CACNA1D: variants seen among roughly 807,000 people sequenced by gnomAD.
CACNA1D encodes the protein calcium voltage-gated channel subunit alpha1 D, also known as voltage-dependent L-type calcium channel subunit alpha-1D.
In CACNA1D, 55 loss-of-function variants were observed where a neutral mutation model predicts 257.1. That is an observed-to-expected ratio of 0.21 (90% CI 0.17 to 0.27). The LOEUF is 0.27. Among genes scored for constraint, CACNA1D ranks in the 10% least tolerant of loss-of-function variants. The pLI is 1.00. For synonymous variants in CACNA1D, 980 were observed against 1,014.9 expected (o/e 0.97, Z 0.65); for missense variants, 1,876 against 2,784.0 (o/e 0.67, Z 7.34).
chr3:53,775,104 C>T (rs1036539300), intron 34 of CACNA1D, among the ~76,000 whole-genome samples: 5 of 152,150 alleles, frequency 3.3e-5, no homozygotes, highest in South Asian at 2.1e-4. Flanking sequence ...TTGCTTTTAA[C>T]GTCAGTTAAT....
intron 3 of CACNA1D, among the ~76,000 whole-genome samples, chr3:53,604,231 A>T (rs1267024429): frequency 6.6e-6 from 1 of 152,134 alleles, no homozygotes; most frequent in South Asian, 2.1e-4. Flanking sequence ...TTGCAAAGGG[A>T]GTTGGAAGTA....
intron 10 of CACNA1D, chr3:53,718,805 TG>T: frequency 7.4e-7 from 1 of 1,351,726 alleles, no homozygotes; most frequent in Non-Finnish European, 1.0e-6. Context: ...AGAGCTTCTG[TG>T]GCAGAGTTGC....
intron 9 of CACNA1D, 128 bp downstream of exon 9, chr3:53,702,938 T>C: frequency 1.1e-6 from 1 of 949,856 alleles, no homozygotes. Context: ...ATCTGGTCCC[T>C]TCTGCCTGCA....
chr3:53,585,077 AT>A (rs1482495991), intron 3 of CACNA1D, among the ~76,000 whole-genome samples: 1 of 148,322 alleles, frequency 6.7e-6, no homozygotes, highest in Non-Finnish European at 1.5e-5. Flanking sequence ...CAGTTGCCTA[AT>A]TCATTTTTAA....
intron 3 of CACNA1D, among the ~76,000 whole-genome samples, chr3:53,511,314 A>G (rs1470042452): frequency 6.6e-6 from 1 of 152,144 alleles, no homozygotes; most frequent in East Asian, 1.9e-4. Context: ...GATTGCTGAC[A>G]CCTGGACATG....
chr3:53,803,599 G>A (rs777965486), intron 44 of CACNA1D, 27 bp downstream of exon 44: 2 of 1,611,320 alleles, frequency 1.2e-6, no homozygotes, highest in Non-Finnish European at 1.7e-6. Context: ...CCTGTGGAGA[G>A]CGGGAGGCCG....
Position 53,808,739 on chromosome 3 carries a change from C to G in CACNA1D, c.5840C>G (p.Thr1947Arg), listed in dbSNP as rs752102016. ...TCGTCTCCCATCTTCCCCCATCGCACGGCCCTGCCTCTGCATCTAATGCAG... is the reference window on the plus strand; with the variant it reads ...TCGTCTCCCATCTTCCCCCATCGCAGGGCCCTGCCTCTGCATCTAATGCAG... ...VPSSPIFPHRTALPLHLMQQQ... is the reference protein window; with the variant it reads ...VPSSPIFPHRRALPLHLMQQQ... Residue 1947 changes from threonine to arginine, a missense_variant, in exon 46 of 48, where the codon ACG becomes AGG. Physicochemically the swap from Thr to Arg is moderately conservative, Grantham distance 71. Transcript: ENST00000350061. The G allele has an allele frequency of 6.2e-7, 1 of 1,608,254 alleles. No individual in the cohort carries two copies. Among genetic ancestry groups the G allele is most frequent in the East Asian group, 2.2e-5 (1 of 44,890 alleles).
At chr3:53,597,305 C>T (rs1227590516) in intron 3 of CACNA1D, among the ~76,000 whole-genome samples, 1 of 152,138 alleles carries the variant, frequency 6.6e-6, no homozygotes, top group Non-Finnish European at 1.5e-5. Context: ...GCTAGGTTGG[C>T]AATTGATAGC....
chr3:53,501,037 G>A (rs764153692), intron 2 of CACNA1D, among the ~76,000 whole-genome samples: 7 of 152,202 alleles, frequency 4.6e-5, no homozygotes, highest in South Asian at 2.1e-4. Flanking sequence ...AGCCTGGCTC[G>A]CTGCTGATCA....
intron 14 of CACNA1D, among the ~76,000 whole-genome samples, chr3:53,726,281 GAC>G (rs2094933902): frequency 6.6e-6 from 1 of 152,202 alleles, no homozygotes; most frequent in Admixed American, 6.5e-5. Flanking sequence ...GTTCCAGAGA[GAC>G]ACAGAAAGAG....
intron 8 of CACNA1D, among the ~76,000 whole-genome samples, chr3:53,691,824 ATC>A (rs1300312666): frequency 5.3e-5 from 5 of 94,172 alleles, no homozygotes; most frequent in Non-Finnish European, 8.3e-5. Flanking sequence ...TATATATTAT[ATC>A]TATAATATAT....
intron 3 of CACNA1D, among the ~76,000 whole-genome samples, chr3:53,622,822 A>G (rs1226343168): frequency 3.3e-5 from 5 of 152,228 alleles, no homozygotes; most frequent in African/African-American, 1.2e-4. Context: ...ATACAATGGA[A>G]TGCTACTCAG....
At chr3:53,739,498 G>A (rs1224672180) in intron 20 of CACNA1D, among the ~76,000 whole-genome samples, 3 of 152,208 alleles carry the variant, frequency 2.0e-5, no homozygotes, top group Non-Finnish European at 4.4e-5. Flanking sequence ...CCCAGAAAGG[G>A]CTAGCAGGAC....
Position 53,707,417 on chromosome 3 carries a change from A to G in CACNA1D, c.1390+4607A>G, listed in dbSNP as rs191977370. On this transcript the variant is annotated intron_variant, in intron 9 of 47. Transcript: ENST00000350061. ...ACACTGTTCCAGGCATTCACTTGAA[A>G]GAAGAGGAGAGGCAATCAGGCCTCT... Among the ~76,000 whole-genome samples, 321 of 152,302 alleles carry G rather than the reference A, an allele frequency of 2.1e-3. 8 individuals carry two copies. The South Asian group carries it at 0.054, about 25-fold the overall frequency.
At chr3:53,540,844 C>G (rs148800138) in intron 3 of CACNA1D, among the ~76,000 whole-genome samples, 1 of 152,042 alleles carries the variant, frequency 6.6e-6, no homozygotes, top group Non-Finnish European at 1.5e-5. Context: ...TGGGTTCAAG[C>G]GATTCTCTGG....
intron 3 of CACNA1D, among the ~76,000 whole-genome samples, chr3:53,618,287 T>G (rs971921228): frequency 2.6e-5 from 4 of 152,288 alleles, no homozygotes; most frequent in South Asian, 4.1e-4. Context: ...CTGGCAGTGC[T>G]GCAGACAGCA....
rs888078601 is a variant in CACNA1D, at chr3:53,806,102, G to A, written c.5749+956G>A. On this transcript the variant is annotated intron_variant, in intron 45 of 47. Transcript: ENST00000350061. ...TCTTCCCTCATCTTCCTCCTCCTTC[G>A]TCTTCTAGCATCTTCCTTTATCTTC... is the stretch of plus-strand genomic sequence containing the variant. Among the ~76,000 whole-genome samples, 13 of 114,666 alleles carry A rather than the reference G, an allele frequency of 1.1e-4. No individual in the cohort carries two copies. The East Asian group carries it at 2.5e-3, about 22-fold the overall frequency. The allele number at this position is 114,666 out of a possible 152,430, so 75.2% of individuals were successfully genotyped here.
chr3:53,745,607 C>G lies in CACNA1D; in HGVS notation c.3007-17C>G. The G allele has an allele frequency of 6.4e-7, 1 of 1,569,208 alleles. No individual in the cohort carries two copies. The highest frequency in any genetic ancestry group is 8.8e-7 in the Non-Finnish European group (1 of 1,139,176). ...AAAATCACAAAGAAGAGTCACGCCC[C>G]TCTGCCCTCTCCGCAGCACGTGGTC... On this transcript the variant is annotated splice_polypyrimidine_tract_variant and intron_variant, in intron 23 of 47. Transcript: ENST00000350061.
At chr3:53,689,493 A>G (rs2094501356) in intron 8 of CACNA1D, among the ~76,000 whole-genome samples, 1 of 151,790 alleles carries the variant, frequency 6.6e-6, no homozygotes, top group Non-Finnish European at 1.5e-5. Context: ...TGGGGGCTGC[A>G]GGGATGGGGT....
Sources: allele counts gnomAD v4.1 joint callset (sites outside exome capture counted in the v4.1 genomes callset), GRCh38; gene constraint gnomAD v4.1.1; transcripts MANE v1.5; gene names NCBI Gene and HGNC (gene_info 2026-07-23, HGNC 2026-07-21).